MCPH1: variants seen among roughly 807,000 people sequenced by gnomAD.
MCPH1 encodes microcephalin.
MCPH1 carries 104 observed loss-of-function variants against 84.5 expected under a neutral mutation model. That is an observed-to-expected ratio of 1.23 (90% confidence interval 1.05 to 1.45). MCPH1 has a LOEUF of 1.45. MCPH1 is among the 40% of genes most tolerant of loss of function. The probability of loss-of-function intolerance (pLI) is 0.00; values close to 1 mark genes in which losing one functional copy is unlikely to be tolerated. For synonymous variants in MCPH1, 514 were observed against 366.8 expected, an observed-to-expected ratio of 1.40 and a Z score of -4.58; for missense variants, 1,498 against 1,005.7, an observed-to-expected ratio of 1.49 and a Z score of -6.62.
chr8:6,547,390 A>G (rs959039291), intron 12 of MCPH1, among the ~76,000 whole-genome samples: 4 of 152,022 alleles, frequency 2.6e-5, no homozygotes, highest in Non-Finnish European at 5.9e-5. Flanking sequence ...GTCTCTTGCA[A>G]TGGAAGCTAG....
intron 12 of MCPH1, chr8:6,500,275 GTATAAAGAT>G: frequency 4.0e-6 from 1 of 251,066 alleles, no homozygotes; most frequent in Non-Finnish European, 7.9e-6. Flanking sequence ...GAACTGATAG[GTATAAAGAT>G]TATGGCTTGC....
intron 12 of MCPH1, among the ~76,000 whole-genome samples, chr8:6,539,188 TG>T (rs1197712140): frequency 1.3e-5 from 2 of 152,186 alleles, no homozygotes; most frequent in Non-Finnish European, 2.9e-5. Flanking sequence ...CGCCAGAGCC[TG>T]GGGGGTAGGC....
chr8:6,480,468 G>A (rs1190835022), intron 10 of MCPH1, among the ~76,000 whole-genome samples: 1 of 152,186 alleles, frequency 6.6e-6, no homozygotes, highest in Non-Finnish European at 1.5e-5. Flanking sequence ...CCCAGCCACT[G>A]TGGGAAGCCA....
In MCPH1 at chr8:6,525,537, A is replaced by G. The variant is rs201806323; in HGVS notation, c.2214+25608A>G. On this transcript the variant is annotated intron_variant, in intron 12 of 13. Coordinates refer to ENST00000344683, the MANE Select transcript of MCPH1 (RefSeq NM_024596.5). ...GAGCCACTGTGCCTGGCTTGAATCT[A>G]TTCTATAAAGAAAGCAATTGCACTT... Among the ~76,000 whole-genome samples the G allele has an allele frequency of 7.2e-5, 11 of 152,344 alleles. No individual in the cohort carries two copies. In the East Asian group the frequency reaches 1.7e-3, roughly 24 times the overall value.
intron 12 of MCPH1, among the ~76,000 whole-genome samples, chr8:6,504,907 G>C (rs879464900): frequency 6.6e-6 from 1 of 151,942 alleles, no homozygotes; most frequent in Non-Finnish European, 1.5e-5. Flanking sequence ...CTAAGGATAA[G>C]GGAGGACTGC....
chr8:6,622,003 C>G, intron 13 of MCPH1: 1 of 423,832 alleles, frequency 2.4e-6, no homozygotes, highest in Non-Finnish European at 4.7e-6. Context: ...ACAGACTCTC[C>G]GGGCACCCCT....
At chr8:6,473,317 AT>A (rs1808000490) in intron 9 of MCPH1, among the ~76,000 whole-genome samples, 1 of 131,130 alleles carries the variant, frequency 7.6e-6, no homozygotes, top group African/African-American at 2.8e-5. Context: ...TTTTCTCTCA[AT>A]CCTTTTTTTT....
chr8:6,519,295 C>A (rs1314769974), intron 12 of MCPH1, among the ~76,000 whole-genome samples: 4 of 152,186 alleles, frequency 2.6e-5, no homozygotes, highest in African/African-American at 7.2e-5. Flanking sequence ...GTCTGTGGCA[C>A]TGTGTTAGCG....
intron 13 of MCPH1, among the ~76,000 whole-genome samples, chr8:6,640,015 A>G (rs1415171411): frequency 6.6e-6 from 1 of 151,502 alleles, no homozygotes; most frequent in Non-Finnish European, 1.5e-5. Context: ...GCGGGACTAC[A>G]GGCATGAACC....
intron 2 of MCPH1, among the ~76,000 whole-genome samples, chr8:6,412,899 A>G (rs1798736872): frequency 6.6e-6 from 1 of 152,240 alleles, no homozygotes; most frequent in Admixed American, 6.5e-5. Context: ...GAAATTCACA[A>G]TGAAAAGAAA....
intron 12 of MCPH1, chr8:6,521,159 G>A (rs562258204): frequency 1.3e-6 from 2 of 1,597,698 alleles, no homozygotes; most frequent in Non-Finnish European, 1.7e-6. Context: ...GCTGAAGAAA[G>A]CATGATATGT....
At chr8:6,546,274 G>T (rs561492548) in intron 12 of MCPH1, among the ~76,000 whole-genome samples, 1 of 152,230 alleles carries the variant, frequency 6.6e-6, no homozygotes, top group African/African-American at 2.4e-5. Context: ...ACCCAGCAGT[G>T]TTCAATGACT....
At chr8:6,576,463 C>G (rs1328045727) in intron 12 of MCPH1, among the ~76,000 whole-genome samples, 1 of 151,700 alleles carries the variant, frequency 6.6e-6, no homozygotes, top group East Asian at 1.9e-4. Flanking sequence ...TGGAATCCTT[C>G]CCTTTCCCTT....
chr8:6,520,695 C>T (rs919283619), intron 12 of MCPH1, among the ~76,000 whole-genome samples: 19 of 152,172 alleles, frequency 1.2e-4, no homozygotes, highest in African/African-American at 4.6e-4. Flanking sequence ...CACACCTGGC[C>T]CTTCCCTCCA....
At chr8:6,459,924 G>A (rs561048791) in intron 9 of MCPH1, among the ~76,000 whole-genome samples, 34 of 152,320 alleles carry the variant, frequency 2.2e-4, no homozygotes, top group African/African-American at 7.9e-4. Context: ...CCTTGGTGTG[G>A]CCCGGGGATG....
chr8:6,450,503 C>CCACA (rs1390646736), intron 8 of MCPH1, among the ~76,000 whole-genome samples: 2 of 148,922 alleles, frequency 1.3e-5, no homozygotes, highest in African/African-American at 2.5e-5. Flanking sequence ...GGGATACCAG[C>CCACA]CACAACTCAT....
At position 6,646,948 on chromosome 8, in the gene MCPH1, A is replaced by C. The variant is rs1332391863; in HGVS notation, c.*3899A>C. The C allele has an allele frequency of 6.6e-6, 1 of 152,200 alleles. No homozygotes were observed. Among genetic ancestry groups the C allele is most frequent in the Non-Finnish European group, 1.5e-5 (1 of 68,042 alleles). The allele number at this position is 152,200 out of a possible 1,614,324, so 9.4% of individuals were successfully genotyped here. ...TAAAGGCATAATTCATTAAAAAAATAAGTTGGGCTTTGTCAAAATTTTAAG... is the reference window on the plus strand; with the variant it reads ...TAAAGGCATAATTCATTAAAAAAATCAGTTGGGCTTTGTCAAAATTTTAAG... On this transcript the variant is annotated 3_prime_UTR_variant, in exon 14 of 14. Coordinates refer to ENST00000344683, the MANE Select transcript of MCPH1 (RefSeq NM_024596.5).
intron 12 of MCPH1, among the ~76,000 whole-genome samples, chr8:6,524,824 C>A (rs114092758): frequency 1.3e-3 from 194 of 152,294 alleles, no homozygotes; most frequent in African/African-American, 4.5e-3. Flanking sequence ...ATCATGGTTT[C>A]ACTGAAGAGA....
At chr8:6,593,864 A>T (rs1828710216) in intron 12 of MCPH1, among the ~76,000 whole-genome samples, 1 of 152,020 alleles carries the variant, frequency 6.6e-6, no homozygotes, top group Admixed American at 6.5e-5. Flanking sequence ...ACAACAATAG[A>T]CCTCTGTTCA....
Sources: gnomAD v4.1 joint callset for allele counts (sites outside exome capture counted in the v4.1 genomes callset) on GRCh38, gnomAD v4.1.1 for gene constraint, MANE v1.5 for transcripts, NCBI Gene and HGNC (gene_info 2026-07-23, HGNC 2026-07-21) for gene names.